Variants in FCHO1 observed in about 807,000 individuals in gnomAD.
FCHO1 encodes the protein F-BAR domain only protein 1.
Under a neutral mutation model 114.4 loss-of-function variants are expected in FCHO1, and 45 were observed. The observed-to-expected ratio is 0.39, with a 90% CI of 0.31 to 0.50. The LOEUF (loss-of-function observed/expected upper bound fraction) is 0.50, where lower values mean the gene tolerates loss of function less well. Ranked by LOEUF, FCHO1 falls within the 20% of genes least tolerant of loss-of-function variation. FCHO1 has a pLI of 0.77. For missense variants in FCHO1, 1,042 were observed against 1,209.6 expected (o/e 0.86, Z 2.06); for synonymous variants, 480 against 488.9 (o/e 0.98, Z 0.24).
At chr19:17,760,209 C>A (rs2085540276) in intron 4 of FCHO1, among the ~76,000 whole-genome samples, 1 of 152,068 alleles carries the variant, frequency 6.6e-6, no homozygotes, top group Admixed American at 6.6e-5. Context: ...TGCCACCACG[C>A]CTGGCTAATT....
chr19:17,757,732 T>A (rs2084225172), intron 4 of FCHO1, among the ~76,000 whole-genome samples: 1 of 151,872 alleles, frequency 6.6e-6, no homozygotes. Context: ...CTGGGCAACA[T>A]AGCAAGACCC....
chr19:17,766,142 A>G (rs2089032028), intron 6 of FCHO1, among the ~76,000 whole-genome samples: 1 of 148,956 alleles, frequency 6.7e-6, no homozygotes, highest in East Asian at 2.0e-4. Flanking sequence ...TGCCCACCTC[A>G]GCCTCCCAAA....
rs1422951589 is a variant in FCHO1 at position 17,781,817 on chromosome 19, C to G, written c.1934C>G (p.Pro645Arg). 2 of 1,585,716 alleles carry G rather than the reference C, an allele frequency of 1.3e-6. No homozygotes were observed. Among genetic ancestry groups the G allele is most frequent in the South Asian group, 1.2e-5 (1 of 86,824 alleles). Reference protein sequence around the residue: ...YVHAYFRGHSPSCLARVTGEL... With the variant: ...YVHAYFRGHSRSCLARVTGEL... Reference sequence around the variant, plus strand: ...CACGCCTACTTCCGTGGCCACAGCCCCAGGTACCCAGTGATGGGCAGACAG... The same window carrying G: ...CACGCCTACTTCCGTGGCCACAGCCGCAGGTACCCAGTGATGGGCAGACAG... Residue 645 changes from proline (P) to arginine (R), a missense_variant, in exon 23 of 29, where the codon CCC (proline) becomes CGC (arginine). Physicochemically the swap from Pro to Arg is moderately radical, Grantham distance 103. Coordinates refer to ENST00000596536, the MANE Select transcript of FCHO1 (RefSeq NM_015122.3).
chr19:17,748,988 A>T (rs1238618156), upstream of FCHO1, among the ~76,000 whole-genome samples: 1 of 152,144 alleles, frequency 6.6e-6, no homozygotes, highest in Non-Finnish European at 1.5e-5. Context: ...TGGGTTGATG[A>T]TGACACTCTG....
chr19:17,764,372 C>T lies in FCHO1; in HGVS notation c.120-3C>T. 1 of 1,613,650 alleles carries T rather than the reference C, an allele frequency of 6.2e-7. No individual in the cohort carries two copies. The highest frequency in any genetic ancestry group is 8.5e-7 in the Non-Finnish European group (1 of 1,179,928). Reference sequence around the variant, plus strand: ...TCCATCTTTACCTCATTCTCCTCCCCAGGGCCACCATCGAGGAGACCTACT... The same window carrying T: ...TCCATCTTTACCTCATTCTCCTCCCTAGGGCCACCATCGAGGAGACCTACT... On this transcript the variant is annotated splice_region_variant and splice_polypyrimidine_tract_variant and intron_variant, in intron 5 of 28. Transcript: ENST00000596536.
chr19:17,787,532 G>T, intron 27 of FCHO1, 150 bp from the exon 28 acceptor site: 1 of 871,696 alleles, frequency 1.1e-6, no homozygotes. Flanking sequence ...GTGATGCCAG[G>T]AGAGACAGAT....
chr19:17,770,758 C>T, intron 8 of FCHO1, 34 bp from the exon 9 acceptor site: 1 of 1,610,180 alleles, frequency 6.2e-7, no homozygotes, highest in Non-Finnish European at 8.5e-7. Flanking sequence ...TGAGTATCGC[C>T]CTCCCATCCC....
intron 7 of FCHO1, 138 bp from the exon 8 acceptor site, chr19:17,770,287 G>A (rs1462082937): frequency 1.5e-5 from 12 of 804,320 alleles, no homozygotes; most frequent in Non-Finnish European, 2.2e-5. Context: ...GACAACAAGA[G>A]CGAAACTCTG....
chr19:17,772,173 C>T (rs1287302242), intron 9 of FCHO1, among the ~76,000 whole-genome samples: 1 of 124,600 alleles, frequency 8.0e-6, no homozygotes, highest in Non-Finnish European at 1.7e-5. Flanking sequence ...CAGACATCCC[C>T]TTGTGTGTGT....
intron 27 of FCHO1, among the ~76,000 whole-genome samples, chr19:17,786,870 A>T (rs574046696): frequency 6.6e-6 from 1 of 151,772 alleles, no homozygotes; most frequent in East Asian, 2.0e-4. Flanking sequence ...GTGACCCGTG[A>T]TCGTACCACT....
chr19:17,753,095 A>C (rs2082401403), intron 1 of FCHO1, among the ~76,000 whole-genome samples: 1 of 152,118 alleles, frequency 6.6e-6, no homozygotes, highest in South Asian at 2.1e-4. Flanking sequence ...AAAAAAAAAA[A>C]ATTAAGTCAC....
chr19:17,765,029 A>T (rs904159499), intron 6 of FCHO1, among the ~76,000 whole-genome samples: 1 of 146,454 alleles, frequency 6.8e-6, no homozygotes, highest in African/African-American at 2.5e-5. Flanking sequence ...GTGCCACTGC[A>T]CTCCAGCCTG....
chr19:17,774,670 G>C, intron 13 of FCHO1, 192 bp downstream of exon 13: 1 of 599,858 alleles, frequency 1.7e-6, no homozygotes, highest in Non-Finnish European at 3.0e-6. Flanking sequence ...CGCTGCCCAA[G>C]CTAGTCCAGA....
chr19:17,784,645 C>T lies in FCHO1; in HGVS notation c.2227-80C>T. 1 of 1,376,382 alleles carries T rather than the reference C, an allele frequency of 7.3e-7. No individual in the cohort carries two copies. The highest frequency in any genetic ancestry group is 1.7e-5 in the Admixed American group (1 of 59,670). 85.3% of individuals were successfully genotyped at this position (1,376,382 alleles called of 1,614,324 possible). A position where few individuals can be genotyped will look rare whatever the true frequency, so the allele number is the denominator to read the frequency against. On this transcript the variant is annotated intron_variant, in intron 25 of 28. Coordinates refer to ENST00000596536, the MANE Select transcript of FCHO1 (RefSeq NM_015122.3). The surrounding 1 kb of genome is among the most constrained non-coding windows in gnomAD (Gnocchi z 5.3). ...TGGGGCGGTGCGTGCATCGCAGGGT[C>T]AAGGTGGTTGAATAGCGCATGGTGT...
At chr19:17,765,724 T>C (rs1002422332) in intron 6 of FCHO1, among the ~76,000 whole-genome samples, 14 of 151,574 alleles carry the variant, frequency 9.2e-5, no homozygotes, top group Non-Finnish European at 1.5e-5. Context: ...CCCGATGGCA[T>C]TTGCAGTTTT....
chr19:17,753,865 C>G (rs555708245), intron 1 of FCHO1: 1 of 152,372 alleles, frequency 6.6e-6, no homozygotes, highest in Non-Finnish European at 1.5e-5. Flanking sequence ...CAGGGTTTCA[C>G]CACTTTGGCC....
chr19:17,755,274 G>T, intron 4 of FCHO1, 83 bp downstream of exon 4: 1 of 1,259,772 alleles, frequency 7.9e-7, no homozygotes. Flanking sequence ...GGTGAGTTGC[G>T]GTTACAGCCT....
In FCHO1 at chr19:17,778,590, G is replaced by A. The variant is rs780265209; in HGVS notation, c.1352-19G>A. On this transcript the variant is annotated intron_variant, in intron 19 of 28. Transcript: ENST00000596536. ...GAGTGGGCGAGGGTCGGAGCTGACCGCCCGCTTCCCTCCCCAAGGCTCTAG... is the reference window on the plus strand; with the variant it reads ...GAGTGGGCGAGGGTCGGAGCTGACCACCCGCTTCCCTCCCCAAGGCTCTAG... 1.3e-6 allele frequency: 2 copies of A among 1,519,772 alleles called. No individual in the cohort carries two copies. Among genetic ancestry groups the A allele is most frequent in the African/African-American group, 2.7e-5 (2 of 72,874 alleles). The allele number at this position is 1,519,772 out of a possible 1,614,324, so 94.1% of individuals were successfully genotyped here.
Position 17,781,785 on chromosome 19 carries a change from G to A in FCHO1, c.1902G>A (p.Glu634=), listed in dbSNP as rs369573396. The change falls in exon 23 of 29, where the codon GAG becomes GAA. Residue 634 remains glutamate, a synonymous_variant. Coordinates refer to ENST00000596536, the MANE Select transcript of FCHO1 (RefSeq NM_015122.3). ...TGCCCATAGCCACAGCCTTCACAGA[G>A]TATGTCCACGCCTACTTCCGTGGCC... ...DALPIATAFT[E]YVHAYFRGHS... 286 of 1,610,308 alleles carry A rather than the reference G, an allele frequency of 1.8e-4. No homozygotes were observed. Among genetic ancestry groups the A allele is most frequent in the Admixed American group, 7.9e-4 (47 of 59,298 alleles).
Sources: gnomAD v4.1 joint callset for allele counts (sites outside exome capture counted in the v4.1 genomes callset) on GRCh38, gnomAD v4.1.1 for gene constraint, Gnocchi (gnomAD v3.1) non-coding constraint, MANE v1.5 for transcripts, NCBI Gene and HGNC (gene_info 2026-07-23, HGNC 2026-07-21) for gene names.